Variants in DNAH9 observed in about 807,000 individuals in gnomAD.
The protein encoded by DNAH9 is DNAH9 variant protein.
Under a neutral mutation model 471.6 loss-of-function variants are expected in DNAH9, and 345 were observed. The observed-to-expected ratio is 0.73, with a 90% confidence interval of 0.67 to 0.80. The LOEUF is 0.80. Ranked by LOEUF, DNAH9 falls within the 30% of genes least tolerant of loss-of-function variation. DNAH9 has a pLI of 0.00. For missense variants in DNAH9, 5,407 were observed against 5,609.2 expected (o/e 0.96, Z 1.15); for synonymous variants, 2,093 against 2,123.6 (o/e 0.99, Z 0.40).
intron 22 of DNAH9, among the ~76,000 whole-genome samples, chr17:11,696,306 G>A (rs1017189932): frequency 6.6e-6 from 1 of 152,072 alleles, no homozygotes; most frequent in African/African-American, 2.4e-5. Flanking sequence ...TCAAGTCAAA[G>A]ATATCTCCCT....
chr17:11,689,019 C>G (rs1325443006), intron 19 of DNAH9, among the ~76,000 whole-genome samples: 2 of 151,736 alleles, frequency 1.3e-5, no homozygotes, highest in African/African-American at 2.4e-5. Context: ...TGCTTGAACC[C>G]GGGAGGCAGA....
At chr17:11,663,297 C>T (rs1457612231) in intron 14 of DNAH9, among the ~76,000 whole-genome samples, 1 of 152,216 alleles carries the variant, frequency 6.6e-6, no homozygotes, top group African/African-American at 2.4e-5. Context: ...ATTCCTCAGT[C>T]AGACTCAAGA....
Position 11,935,975 on chromosome 17 carries a change from T to A in DNAH9, c.12490-1377T>A, listed in dbSNP as rs545682036. ...GGGAAAATTGTGCAACAGCGTCCCC[T>A]AGTGTCCATGGGATAATTCGACAGG... On this transcript the variant is annotated intron_variant, in intron 65 of 68. Coordinates refer to ENST00000262442, the MANE Select transcript of DNAH9 (RefSeq NM_001372.4). Among the ~76,000 whole-genome samples, 270 of 152,284 alleles carry A rather than the reference T, an allele frequency of 1.8e-3. 2 individuals carry two copies. Among genetic ancestry groups the A allele is most frequent in the African/African-American group, 6.2e-3 (259 of 41,568 alleles).
chr17:11,906,901 C>T (rs767169909), intron 61 of DNAH9, among the ~76,000 whole-genome samples: 36 of 152,106 alleles, frequency 2.4e-4, no homozygotes, highest in Non-Finnish European at 4.4e-4. Flanking sequence ...GGAGGAATAG[C>T]TTAATGGATG....
At chr17:11,711,068 C>G (rs9889342) in intron 26 of DNAH9, among the ~76,000 whole-genome samples, 130,716 of 152,166 alleles carry the variant, frequency 0.86, 58,780 homozygotes, top group Non-Finnish European at 0.99. Context: ...TATAACTTCT[C>G]ACTCAGAAGG....
At chr17:11,787,665 G>A (rs1465558456) in intron 41 of DNAH9, among the ~76,000 whole-genome samples, 3 of 152,138 alleles carry the variant, frequency 2.0e-5, no homozygotes, top group Non-Finnish European at 4.4e-5. Flanking sequence ...TTTGGCTCTG[G>A]GTCCCCACCC....
At chr17:11,812,375 T>C (rs2150930456) in intron 45 of DNAH9, among the ~76,000 whole-genome samples, 1 of 151,968 alleles carries the variant, frequency 6.6e-6, no homozygotes, top group Middle Eastern at 3.4e-3. Flanking sequence ...CCTTTCTCCA[T>C]AGTCTATCTA....
intron 6 of DNAH9, among the ~76,000 whole-genome samples, chr17:11,621,952 G>A (rs1208230647): frequency 6.6e-6 from 1 of 151,966 alleles, no homozygotes; most frequent in African/African-American, 2.4e-5. Flanking sequence ...CTGGTGTGGT[G>A]ACGTGCACCT....
At chr17:11,667,756 A>T (rs1567704127) in intron 15 of DNAH9, among the ~76,000 whole-genome samples, 1 of 152,180 alleles carries the variant, frequency 6.6e-6, no homozygotes, top group East Asian at 1.9e-4. Context: ...GAGGAGAAGG[A>T]GACTGAGTAC....
Position 11,856,075 on chromosome 17 carries a change from G to A in DNAH9, c.9933+1647G>A, listed in dbSNP as rs899284496. Among the ~76,000 whole-genome samples the A allele has an allele frequency of 2.5e-4, 38 of 152,282 alleles. No homozygotes were observed. The Middle Eastern group carries it at 0.01, about 41-fold the overall frequency. On this transcript the variant is annotated intron_variant, in intron 50 of 68. Coordinates refer to ENST00000262442, the MANE Select transcript of DNAH9 (RefSeq NM_001372.4). Reference sequence around the variant, plus strand: ...ACTGCTCAACCACTACTGTGTGAGCGTGACTATAACTGCTCAACTGCTACT... The same window carrying A: ...ACTGCTCAACCACTACTGTGTGAGCATGACTATAACTGCTCAACTGCTACT...
chr17:11,660,156 A>G (rs1403662742), intron 14 of DNAH9, among the ~76,000 whole-genome samples: 1 of 151,996 alleles, frequency 6.6e-6, no homozygotes, highest in African/African-American at 2.4e-5. Context: ...TTAGTTGCTT[A>G]TCTGTTTTTA....
chr17:11,742,418 T>TG, intron 30 of DNAH9, 105 bp downstream of exon 30: 1 of 1,187,750 alleles, frequency 8.4e-7, no homozygotes, highest in Non-Finnish European at 1.2e-6. Context: ...AGCTTTCTCA[T>TG]AGAAAGTCAC....
rs1597488539 is a variant in DNAH9, at chr17:11,694,322, T to C, written c.4747T>C (p.Leu1583=). The C allele has an allele frequency of 3.1e-6, 5 of 1,613,998 alleles. No individual in the cohort carries two copies. The highest frequency in any genetic ancestry group is 4.2e-6 in the Non-Finnish European group (5 of 1,179,980). ...AAATTCTATGTTCTGTGCCCTCAGATTGTGCCTGTGTGAGAAGGCCCTGGC... is the reference window on the plus strand; with the variant it reads ...AAATTCTATGTTCTGTGCCCTCAGACTGTGCCTGTGTGAGAAGGCCCTGGC... ...YEKLEDIQGR[L]CLCEKALAEY... The change falls in exon 22 of 69, where the codon TTG becomes CTG. Residue 1583 remains leucine, a splice_region_variant and synonymous_variant. Transcript: ENST00000262442.
chr17:11,798,329 A>G (rs1340512285), intron 43 of DNAH9, among the ~76,000 whole-genome samples: 1 of 149,630 alleles, frequency 6.7e-6, no homozygotes, highest in Non-Finnish European at 1.5e-5. Context: ...GCTACTCCAG[A>G]GGCTGAGGCA....
chr17:11,664,145 G>A (rs144590229), intron 14 of DNAH9, among the ~76,000 whole-genome samples: 1 of 152,248 alleles, frequency 6.6e-6, no homozygotes, highest in African/African-American at 2.4e-5. Context: ...TGGGATGTCT[G>A]TACTTGGCAT....
chr17:11,881,753 A>AC, intron 55 of DNAH9, among the ~76,000 whole-genome samples: 1 of 152,102 alleles, frequency 6.6e-6, no homozygotes, highest in Non-Finnish European at 1.5e-5. Context: ...CTAAAAAATA[A>AC]ATATTAAAAT....
At chr17:11,870,824 C>G (rs564062077) in intron 51 of DNAH9, among the ~76,000 whole-genome samples, 1 of 152,292 alleles carries the variant, frequency 6.6e-6, no homozygotes, top group South Asian at 2.1e-4. Context: ...CCACCCCTGT[C>G]TCTACCGACC....
chr17:11,850,831 T>A (rs9897009), intron 49 of DNAH9, among the ~76,000 whole-genome samples: 73,996 of 151,354 alleles, frequency 0.49, 18,830 homozygotes, highest in African/African-American at 0.61. Context: ...TCTCTTTCCA[T>A]CCAATCACTC....
chr17:11,886,749 A>C (rs1193018714), intron 56 of DNAH9, 76 bp from the exon 57 acceptor site: 1 of 1,530,890 alleles, frequency 6.5e-7, no homozygotes, highest in Non-Finnish European at 8.8e-7. Context: ...ATGTCTACTC[A>C]CACAGAGGGG....
Sources: gnomAD v4.1 joint callset for allele counts (sites outside exome capture counted in the v4.1 genomes callset) on GRCh38, gnomAD v4.1.1 for gene constraint, MANE v1.5 for transcripts, NCBI Gene and HGNC (gene_info 2026-07-23, HGNC 2026-07-21) for gene names.